Variants in KLHL13 observed in about 807,000 individuals in gnomAD.
The protein encoded by KLHL13 is kelch like family member 13, also known as kelch-like protein 13.
KLHL13 carries 10 observed loss-of-function variants against 37.1 expected under a neutral mutation model. The ratio of observed to expected loss-of-function variants is 0.27; its 90% CI spans 0.17 to 0.46. The LOEUF (loss-of-function observed/expected upper bound fraction) is 0.46, where lower values mean the gene tolerates loss of function less well. Ranked by LOEUF, KLHL13 falls within the 20% of genes least tolerant of loss-of-function variation. The probability of loss-of-function intolerance (pLI) is 1.00; values close to 1 mark genes in which losing one functional copy is unlikely to be tolerated. For synonymous variants in KLHL13, 163 were observed against 181.2 expected (o/e 0.90, Z 0.81); for missense variants, 360 against 509.3 (o/e 0.71, Z 2.82).
chrX:118,109,479 A>AT (rs1366219506), intron 1 of KLHL13, among the ~76,000 whole-genome samples: 2 of 112,169 alleles, frequency 1.8e-5, no homozygotes, highest in African/African-American at 6.5e-5. Flanking sequence ...TTTGCCTCAG[A>AT]TTTTCTATGA....
chrX:117,940,520 A>G (rs1037534054), intron 2 of KLHL13, among the ~76,000 whole-genome samples: 30 of 111,810 alleles, frequency 2.7e-4, no homozygotes, highest in Non-Finnish European at 4.1e-4. Context: ...TTGAATCTAT[A>G]AATTACGTTG....
At chrX:118,094,098 G>A (rs764788374) in intron 1 of KLHL13, among the ~76,000 whole-genome samples, 48 of 109,231 alleles carry the variant, frequency 4.4e-4, no homozygotes, top group African/African-American at 1.5e-3. Context: ...GAGGAAGTTC[G>A]AACCTCCTCC....
At chrX:117,897,831 T>G (rs1306699568) in exon 7 of KLHL13, 1 of 112,025 alleles carries the variant, frequency 8.9e-6, no homozygotes, top group Non-Finnish European at 1.9e-5. Context: ...AATGTTTTTA[T>G]TGAACAAAAA....
chrX:117,937,347 G>C (rs770799644), intron 2 of KLHL13, among the ~76,000 whole-genome samples: 227 of 111,260 alleles, frequency 2.0e-3, no homozygotes, highest in Middle Eastern at 9.3e-3. Flanking sequence ...AGGAAATATT[G>C]TAACAACATA....
rs144528593 is a variant in KLHL13, at chrX:118,091,784, A to G, written c.-56+24724T>C. Among the ~76,000 whole-genome samples the G allele has an allele frequency of 8.7e-3, 964 of 111,199 alleles. 13 individuals are homozygous for G. The highest frequency in any genetic ancestry group is 0.03 in the African/African-American group (906 of 30,608). ...GCCATGCAAATCCCAAATTGAATATACCCAAGAAAATCCACTCTAGGATAA... is the reference window on the plus strand; with the variant it reads ...GCCATGCAAATCCCAAATTGAATATGCCCAAGAAAATCCACTCTAGGATAA... On this transcript the variant is annotated intron_variant, in intron 1 of 6. Transcript: ENST00000371882.
upstream of KLHL13, among the ~76,000 whole-genome samples, chrX:117,974,802 T>C (rs1177570725): frequency 9.0e-6 from 1 of 111,553 alleles, no homozygotes; most frequent in African/African-American, 3.3e-5. Context: ...ACTTTGTAAA[T>C]ATTAAAATTA....
intron 1 of KLHL13, among the ~76,000 whole-genome samples, chrX:118,005,360 C>T (rs2053969774): frequency 9.0e-6 from 1 of 111,054 alleles, no homozygotes; most frequent in Non-Finnish European, 1.9e-5. Context: ...ATCTTAATAC[C>T]CTCCAAAAGA....
intron 1 of KLHL13, among the ~76,000 whole-genome samples, chrX:118,024,643 C>A (rs2054255130): frequency 9.0e-6 from 1 of 111,640 alleles, no homozygotes; most frequent in African/African-American, 3.3e-5. Context: ...CTATTCATAT[C>A]ATTACACATG....
chrX:118,058,326 T>G (rs1438590041), intron 1 of KLHL13, among the ~76,000 whole-genome samples: 1 of 110,271 alleles, frequency 9.1e-6, no homozygotes, highest in East Asian at 2.9e-4. Flanking sequence ...TTACACACAC[T>G]AATTAATTAA....
At chrX:117,947,133 C>CAG (rs2093483987) in intron 1 of KLHL13, 1 of 111,648 alleles carries the variant, frequency 9.0e-6, no homozygotes, top group South Asian at 3.7e-4. Context: ...TGATATATAG[C>CAG]ACACACACAC....
intron 1 of KLHL13, among the ~76,000 whole-genome samples, chrX:118,007,370 C>CAAAAAA (rs57382655): frequency 6.4e-5 from 3 of 46,610 alleles, no homozygotes; most frequent in Non-Finnish European, 9.3e-5. Context: ...GAGACCCTGT[C>CAAAAAA]AAAAAAAAAA....
chrX:118,038,229 A>C (rs1019478894), intron 1 of KLHL13, among the ~76,000 whole-genome samples: 11 of 112,075 alleles, frequency 9.8e-5, no homozygotes, highest in African/African-American at 3.6e-4. Context: ...TACTCAAGTG[A>C]AGGCAATCAG....
At chrX:117,927,574 G>A (rs369976284) in intron 2 of KLHL13, among the ~76,000 whole-genome samples, 1 of 112,338 alleles carries the variant, frequency 8.9e-6, no homozygotes, top group African/African-American at 3.2e-5. Context: ...GAAAGAATTC[G>A]GAAGATGGTC....
intron 2 of KLHL13, among the ~76,000 whole-genome samples, chrX:117,922,352 G>A (rs1931757049): frequency 1.8e-5 from 2 of 111,723 alleles, no homozygotes; most frequent in African/African-American, 6.5e-5. Context: ...ACTAGGGTGT[G>A]GGAGAGGATA....
rs774059071 is a variant in KLHL13 at position 118,053,765 on chromosome X, TTGTG to T, written c.-56+62739_-56+62742del. On this transcript the variant is annotated intron_variant, in intron 1 of 6. Coordinates refer to the KLHL13 transcript ENST00000371882. ...ATAAGAAAAGATGTCCAATCTCAAT[TTGTG>T]TGTGTGTGTGTGTGTGTGTGTGTGT... Among the ~76,000 whole-genome samples the T allele has an allele frequency of 3.4e-3, 229 of 67,844 alleles. 5 individuals carry two copies. Among genetic ancestry groups the T allele is most frequent in the Middle Eastern group, 7.8e-3 (1 of 128 alleles). 58.9% of individuals were successfully genotyped at this position (67,844 alleles called of 115,157 possible). A position where few individuals can be genotyped will look rare whatever the true frequency, so the allele number is the denominator to read the frequency against.
In KLHL13 at chrX:117,931,572, T is replaced by C. The variant is rs1569418982; in HGVS notation, c.241-11202A>G. Among the ~76,000 whole-genome samples, 3 of 112,490 alleles carry C rather than the reference T, an allele frequency of 2.7e-5. No homozygotes were observed. In the South Asian group the frequency reaches 1.1e-3, roughly 41 times the overall value. On this transcript the variant is annotated intron_variant, in intron 2 of 6. Coordinates refer to ENST00000262820, the Ensembl canonical transcript of KLHL13. ...GTAATTCTGCTGTTTCTATCAAGAA[T>C]AAAATATTTATTATATCATTCATTC... is the stretch of plus-strand genomic sequence containing the variant.
intron 1 of KLHL13, among the ~76,000 whole-genome samples, chrX:118,065,260 T>C (rs1235313597): frequency 8.9e-6 from 1 of 111,766 alleles, no homozygotes; most frequent in Non-Finnish European, 1.9e-5. Context: ...ATGAACTTTT[T>C]ATAAACTTCT....
chrX:118,022,117 G>A (rs1488183003), intron 1 of KLHL13, among the ~76,000 whole-genome samples: 2 of 111,816 alleles, frequency 1.8e-5, no homozygotes, highest in East Asian at 5.6e-4. Flanking sequence ...GTTCTTTGTA[G>A]ATTCTGGATA....
intron 1 of KLHL13, among the ~76,000 whole-genome samples, chrX:118,092,347 ACAG>A (rs1352767517): frequency 8.0e-5 from 9 of 111,849 alleles, no homozygotes; most frequent in African/African-American, 2.9e-4. Flanking sequence ...AATTCACATG[ACAG>A]CAGATTTTTC....
Sources: gnomAD v4.1 joint callset for allele counts (sites outside exome capture counted in the v4.1 genomes callset) on GRCh38, gnomAD v4.1.1 for gene constraint, MANE v1.5 for transcripts, NCBI Gene and HGNC (gene_info 2026-07-23, HGNC 2026-07-21) for gene names.